Variants in SMARCA2 observed in about 807,000 individuals in gnomAD.
The protein encoded by SMARCA2 is SWI/SNF related BAF chromatin remodeling complex subunit ATPase 2, also known as SWI/SNF-related matrix-associated actin-dependent regulator of chromatin subfamily A member 2.
A neutral mutation model predicts 199.8 loss-of-function variants in SMARCA2; 61 were observed. The ratio of observed to expected loss-of-function variants is 0.31; its 90% CI spans 0.25 to 0.38. The LOEUF is 0.38. Ranked by LOEUF, SMARCA2 falls within the 10% of genes least tolerant of loss-of-function variation. SMARCA2 has a pLI of 1.00. For missense variants in SMARCA2, 1,344 were observed against 2,012.2 expected (o/e 0.67, Z 6.35); for synonymous variants, 935 against 732.0 (o/e 1.28, Z -4.48).
chr9:2,047,685 CT>C (rs1819932273), intron 5 of SMARCA2: 1 of 428,144 alleles, frequency 2.3e-6, no homozygotes, highest in Non-Finnish European at 3.7e-6. Context: ...CCGACGGGGA[CT>C]TCCTGTGGAC....
At chr9:2,144,567 C>G (rs541947813) in intron 27 of SMARCA2, among the ~76,000 whole-genome samples, 19 of 152,178 alleles carry the variant, frequency 1.2e-4, no homozygotes, top group Non-Finnish European at 2.4e-4. Flanking sequence ...GCTTAGATTC[C>G]TCTCAGGAGC....
At position 2,073,839 on chromosome 9, in the gene SMARCA2, C is replaced by G. The variant is rs2066111; in HGVS notation, c.1935+216C>G. ...GGAAGGCCCTGGCTAATGGGGAAAC[C>G]TGGCACATTCTAAATTCACTTGAAA... On this transcript the variant is annotated intron_variant, in intron 12 of 33. Transcript: ENST00000349721. Among the ~76,000 whole-genome samples, 78 of 152,060 alleles carry G rather than the reference C, an allele frequency of 5.1e-4. No homozygotes were observed. The South Asian group carries it at 5.2e-3, about 10-fold the overall frequency.
intron 1 of SMARCA2, among the ~76,000 whole-genome samples, chr9:2,027,483 A>AT (rs1388632650): frequency 1.3e-5 from 2 of 152,096 alleles, no homozygotes; most frequent in Non-Finnish European, 2.9e-5. Context: ...TAAAAAGTTG[A>AT]TTTTATTAAT....
intron 10 of SMARCA2, 78 bp downstream of exon 10, chr9:2,070,549 A>T: frequency 1.0e-6 from 1 of 986,386 alleles, no homozygotes; most frequent in Non-Finnish European, 1.6e-6. Flanking sequence ...TTCTTCATGC[A>T]TACTATTTTA....
intron 27 of SMARCA2, among the ~76,000 whole-genome samples, chr9:2,148,049 C>A (rs1824858112): frequency 6.6e-6 from 1 of 151,574 alleles, no homozygotes; most frequent in African/African-American, 2.4e-5. Context: ...ACACTTGCCT[C>A]CCAGTTGTAA....
chr9:2,029,018 G>T lies in SMARCA2; in HGVS notation c.-5G>T. 3.2e-6 allele frequency: 5 copies of T among 1,548,406 alleles called. No individual in the cohort carries two copies. The highest frequency in any genetic ancestry group is 3.5e-6 in the Non-Finnish European group (4 of 1,146,768). On this transcript the variant is annotated 5_prime_UTR_variant, in exon 2 of 34. It adds an upstream start codon to the 5' untranslated region. Coordinates refer to ENST00000349721, the MANE Select transcript of SMARCA2 (RefSeq NM_003070.5). The stretch of plus-strand genomic sequence containing the variant: ...TCTACTGACTGGCAGAGACAGGAGA[G>T]GTAGATGTCCACGCCCACAGACCCT...
Position 2,077,613 on chromosome 9 carries a change from C to T in SMARCA2, c.2037-16C>T, listed in dbSNP as rs1821384415. The T allele has an allele frequency of 6.2e-7, 1 of 1,611,590 alleles. No individual in the cohort carries two copies. The highest frequency in any genetic ancestry group is 1.1e-5 in the South Asian group (1 of 90,946). Reference sequence around the variant, plus strand: ...GCACATGTCTGTGTGTGATTCTCCACTTTTTCCTTTCCCAGGACAGCTAAG... The same window carrying T: ...GCACATGTCTGTGTGTGATTCTCCATTTTTTCCTTTCCCAGGACAGCTAAG... On this transcript the variant is annotated splice_polypyrimidine_tract_variant and intron_variant, in intron 13 of 33. Transcript: ENST00000349721.
At chr9:2,159,675 C>A in intron 27 of SMARCA2, 2 of 1,061,516 alleles carry the variant, frequency 1.9e-6, no homozygotes, top group Non-Finnish European at 2.7e-6. Context: ...AGGAGGAAGC[C>A]TTCGGGCCTT....
At position 2,056,262 on chromosome 9, in the gene SMARCA2, G is replaced by T. The variant is rs529625034; in HGVS notation, c.1174-410G>T. 6.6e-6 allele frequency among the ~76,000 whole-genome samples: 1 copy of T among 152,024 alleles called. No homozygotes were observed. The highest frequency in any genetic ancestry group is 1.5e-5 in the Non-Finnish European group (1 of 68,008). ...AAGTAATTCTTTTATTCTTTTTTTG[G>T]AGCATCATTAAAATTAATCTTTAAA... On this transcript the variant is annotated intron_variant, in intron 6 of 33. Coordinates refer to ENST00000349721, the MANE Select transcript of SMARCA2 (RefSeq NM_003070.5). This position sits in a 1 kb window ranked among gnomAD's most constrained non-coding sequence, Gnocchi z 4.0.
chr9:2,107,349 C>G (rs377733567), intron 23 of SMARCA2, among the ~76,000 whole-genome samples: 1 of 152,146 alleles, frequency 6.6e-6, no homozygotes. Flanking sequence ...TTTATTGAGA[C>G]GGAGTCTCGC....
chr9:2,074,801 A>T (rs1310206239), intron 12 of SMARCA2, among the ~76,000 whole-genome samples: 1 of 152,158 alleles, frequency 6.6e-6, no homozygotes, highest in East Asian at 1.9e-4. Flanking sequence ...CTGGGCAGAG[A>T]CTGCAGTGAG....
chr9:2,129,418 GA>G (rs1167102605), intron 27 of SMARCA2, among the ~76,000 whole-genome samples: 2 of 151,920 alleles, frequency 1.3e-5, no homozygotes, highest in African/African-American at 4.8e-5. Context: ...ACTCCATCTC[GA>G]AAAAAGGGGA....
At chr9:2,184,645 C>G (rs1468387342) in intron 31 of SMARCA2, among the ~76,000 whole-genome samples, 1 of 152,052 alleles carries the variant, frequency 6.6e-6, no homozygotes, top group East Asian at 1.9e-4. Flanking sequence ...GAGTACCACA[C>G]CTGGCCCAAG....
chr9:2,054,495 T>C, intron 5 of SMARCA2, 102 bp from the exon 6 acceptor site: 1 of 1,377,478 alleles, frequency 7.3e-7, no homozygotes, highest in Admixed American at 2.1e-5. Context: ...TGGAATATGT[T>C]TTGCCCCGGA....
intron 31 of SMARCA2, among the ~76,000 whole-genome samples, chr9:2,185,788 A>C (rs556507386): frequency 2.3e-4 from 35 of 152,240 alleles, no homozygotes; most frequent in African/African-American, 8.4e-4. Context: ...AGAACAATTC[A>C]AATAAGAAAT....
Position 2,016,943 on chromosome 9 carries a change from G to C in SMARCA2, c.-37+1539G>C, listed in dbSNP as rs1007781794. ...GCGCGCCAGCCCCTCGGCGCCCTCC[G>C]GCCGCAGGGCGCACACGGAGCACAG... On this transcript the variant is annotated intron_variant, in intron 1 of 33. Coordinates refer to ENST00000349721, the MANE Select transcript of SMARCA2 (RefSeq NM_003070.5). The surrounding 1 kb of genome is among the most constrained non-coding windows in gnomAD (Gnocchi z 5.6). 4 of 151,620 alleles carry C rather than the reference G, an allele frequency of 2.6e-5. No individual in the cohort carries two copies. Among genetic ancestry groups the C allele is most frequent in the African/African-American group, 4.8e-5 (2 of 41,258 alleles). 9.4% of individuals were successfully genotyped at this position (151,620 alleles called of 1,614,324 possible).
At chr9:2,107,562 C>T (rs546450682) in intron 23 of SMARCA2, among the ~76,000 whole-genome samples, 2 of 152,220 alleles carry the variant, frequency 1.3e-5, no homozygotes, top group East Asian at 3.9e-4. Context: ...AGGTGATCCG[C>T]CCACCTTGGC....
At chr9:2,139,205 C>T (rs936337352) in intron 27 of SMARCA2, among the ~76,000 whole-genome samples, 8 of 152,102 alleles carry the variant, frequency 5.3e-5, no homozygotes, top group Admixed American at 1.3e-4. Flanking sequence ...CGTGGCATTG[C>T]GGTAAAGAAA....
intron 1 of SMARCA2, among the ~76,000 whole-genome samples, chr9:2,018,802 C>T (rs973581953): frequency 6.6e-6 from 1 of 152,176 alleles, no homozygotes; most frequent in Non-Finnish European, 1.5e-5. Context: ...CTTACATATT[C>T]ACATTCAAAT....
Sources: allele counts gnomAD v4.1 joint callset (sites outside exome capture counted in the v4.1 genomes callset), GRCh38; gene constraint gnomAD v4.1.1; non-coding constraint Gnocchi (gnomAD v3.1); transcripts MANE v1.5; gene names NCBI Gene and HGNC (gene_info 2026-07-23, HGNC 2026-07-21).